ZSWIM6: variants seen among roughly 807,000 people sequenced by gnomAD.
ZSWIM6 encodes zinc finger SWIM domain-containing protein 6.
Under a neutral mutation model 113.2 loss-of-function variants are expected in ZSWIM6, and 9 were observed. That is an observed-to-expected ratio of 0.08 (90% CI 0.05 to 0.14). The LOEUF (loss-of-function observed/expected upper bound fraction) is 0.14, where lower values mean the gene tolerates loss of function less well. ZSWIM6 is among the 10% of genes least tolerant of loss of function. ZSWIM6 has a pLI of 1.00. For synonymous variants in ZSWIM6, 611 were observed against 606.5 expected, an observed-to-expected ratio of 1.01 and a Z score of -0.11; for missense variants, 1,162 against 1,552.2, an observed-to-expected ratio of 0.75 and a Z score of 4.22.
intron 2 of ZSWIM6, among the ~76,000 whole-genome samples, chr5:61,486,632 A>T (rs891462995): frequency 3.9e-5 from 6 of 152,048 alleles, no homozygotes; most frequent in African/African-American, 1.4e-4. Context: ...TAATAATAGC[A>T]ATTCTGACTG....
chr5:61,525,617 C>T (rs1241860115), intron 5 of ZSWIM6, among the ~76,000 whole-genome samples, 183 bp from the exon 6 acceptor site: 1 of 152,118 alleles, frequency 6.6e-6, no homozygotes, highest in African/African-American at 2.4e-5. Flanking sequence ...AATGGTGGCT[C>T]TTGGGCTGAC....
At chr5:61,389,532 G>T (rs115050160) in intron 1 of ZSWIM6, among the ~76,000 whole-genome samples, 3,080 of 132,352 alleles carry the variant, frequency 0.023, 51 homozygotes, top group South Asian at 0.062. Context: ...ATGAGCCCAG[G>T]CGACAGTGCA....
intron 1 of ZSWIM6, chr5:61,391,745 G>T (rs144033095): frequency 1.8e-6 from 2 of 1,129,740 alleles, no homozygotes; most frequent in Admixed American, 3.4e-5. Flanking sequence ...AAGGCTGTGA[G>T]GTGGACCAGC....
intron 2 of ZSWIM6, among the ~76,000 whole-genome samples, chr5:61,490,575 T>G (rs1172240354): frequency 6.6e-6 from 1 of 152,080 alleles, no homozygotes; most frequent in Non-Finnish European, 1.5e-5. Context: ...AATAGAAATA[T>G]CTCAATTCTA....
chr5:61,332,626 G>T lies in ZSWIM6; in HGVS notation c.354G>T (p.Glu118Asp). ...RIVYWSFPRSEREICMYSSFN... is the reference protein window; with the variant it reads ...RIVYWSFPRSDREICMYSSFN... ...TCTATTGGTCCTTCCCCCGCAGCGA[G>T]CGGGAGATCTGCATGTACTCGTCCT... Residue 118 changes from glutamate (E) to aspartate (D), a missense_variant, in exon 1 of 14, where the codon GAG becomes GAT. Physicochemically the swap from Glu to Asp is conservative, Grantham distance 45. Transcript: ENST00000252744. 1 of 1,253,102 alleles carries T rather than the reference G, an allele frequency of 8.0e-7. No individual in the cohort carries two copies. 77.6% of individuals were successfully genotyped at this position (1,253,102 alleles called of 1,614,324 possible). A position where few individuals can be genotyped will look rare whatever the true frequency, so the allele number is the denominator to read the frequency against.
chr5:61,507,825 T>C (rs1748663684), intron 4 of ZSWIM6, among the ~76,000 whole-genome samples: 1 of 152,184 alleles, frequency 6.6e-6, no homozygotes, highest in African/African-American at 2.4e-5. Flanking sequence ...CTATTTACAT[T>C]ATATGCTGAA....
chr5:61,414,377 G>A (rs1255425593), intron 1 of ZSWIM6, among the ~76,000 whole-genome samples: 1 of 152,058 alleles, frequency 6.6e-6, no homozygotes, highest in African/African-American at 2.4e-5. Flanking sequence ...TATTGGAGCT[G>A]GGAATGAGGG....
intron 1 of ZSWIM6, among the ~76,000 whole-genome samples, chr5:61,431,753 C>T (rs1034341587): frequency 6.6e-6 from 1 of 151,866 alleles, no homozygotes; most frequent in Non-Finnish European, 1.5e-5. Context: ...TCAAAAAAAA[C>T]AAAACAAAAA....
At chr5:61,490,655 T>G in intron 2 of ZSWIM6, 131 bp from the exon 3 acceptor site, 1 of 881,028 alleles carries the variant, frequency 1.1e-6, no homozygotes, top group Non-Finnish European at 1.7e-6. Flanking sequence ...TGTATTTAGT[T>G]TGTCACAAAT....
chr5:61,537,607 A>T (rs1749613495), intron 10 of ZSWIM6, among the ~76,000 whole-genome samples: 1 of 151,888 alleles, frequency 6.6e-6, no homozygotes, highest in Non-Finnish European at 1.5e-5. Flanking sequence ...CTTACTACTT[A>T]ACTGCCTACC....
intron 1 of ZSWIM6, among the ~76,000 whole-genome samples, chr5:61,379,450 G>A (rs1745434805): frequency 6.6e-6 from 1 of 151,992 alleles, no homozygotes; most frequent in African/African-American, 2.4e-5. Context: ...TAAAATTGTA[G>A]GGATTTACTT....
intron 1 of ZSWIM6, among the ~76,000 whole-genome samples, chr5:61,343,428 A>G (rs543497210): frequency 1.3e-5 from 2 of 152,384 alleles, no homozygotes; most frequent in East Asian, 3.9e-4. Context: ...GATACCATGT[A>G]GAATAAGTCC....
chr5:61,499,045 G>T (rs562851714), intron 4 of ZSWIM6, among the ~76,000 whole-genome samples: 95 of 152,178 alleles, frequency 6.2e-4, no homozygotes, highest in African/African-American at 2.1e-3. Flanking sequence ...TTAATTAATG[G>T]CTAAGGAGCA....
At chr5:61,410,398 C>G (rs1746130428) in intron 1 of ZSWIM6, among the ~76,000 whole-genome samples, 1 of 149,414 alleles carries the variant, frequency 6.7e-6, no homozygotes, top group Non-Finnish European at 1.5e-5. Context: ...CAACCTCTGA[C>G]TCCCTGGTTC....
intron 1 of ZSWIM6, among the ~76,000 whole-genome samples, chr5:61,363,276 A>C (rs1031816468): frequency 6.6e-6 from 1 of 152,190 alleles, no homozygotes; most frequent in African/African-American, 2.4e-5. Context: ...GATTACATCA[A>C]CTCGTGGAAA....
chr5:61,470,068 A>C (rs924470903), intron 1 of ZSWIM6, among the ~76,000 whole-genome samples: 1 of 152,202 alleles, frequency 6.6e-6, no homozygotes, highest in Non-Finnish European at 1.5e-5. Flanking sequence ...TTAAATACTA[A>C]CTGGTTTAAC....
chr5:61,407,838 T>G (rs1746073769), intron 1 of ZSWIM6, among the ~76,000 whole-genome samples: 1 of 152,250 alleles, frequency 6.6e-6, no homozygotes, highest in Non-Finnish European at 1.5e-5. Flanking sequence ...AGAGAGCCTC[T>G]TATCTGAATT....
chr5:61,541,447 A>G (rs1749736286), intron 12 of ZSWIM6, among the ~76,000 whole-genome samples: 1 of 152,202 alleles, frequency 6.6e-6, no homozygotes, highest in African/African-American at 2.4e-5. Flanking sequence ...TAAAATGATT[A>G]TTTTAAAATA....
intron 1 of ZSWIM6, among the ~76,000 whole-genome samples, chr5:61,444,495 T>C (rs1425468822): frequency 6.6e-6 from 1 of 152,172 alleles, no homozygotes; most frequent in East Asian, 1.9e-4. Flanking sequence ...ATGGTATTTC[T>C]AGTTCTAGAT....
Sources: gnomAD v4.1 joint callset for allele counts (sites outside exome capture counted in the v4.1 genomes callset) on GRCh38, gnomAD v4.1.1 for gene constraint, MANE v1.5 for transcripts, NCBI Gene and HGNC (gene_info 2026-07-23, HGNC 2026-07-21) for gene names.